ELMO1: variants seen among roughly 807,000 people sequenced by gnomAD.
ELMO1 encodes the protein engulfment and cell motility 1, also known as engulfment and cell motility protein 1.
In ELMO1, 26 loss-of-function variants were observed where a neutral mutation model predicts 98.9. That is an observed-to-expected ratio of 0.26 (90% CI 0.19 to 0.36). The LOEUF (loss-of-function observed/expected upper bound fraction) is 0.36. Ranked by LOEUF, ELMO1 falls within the 10% of genes least tolerant of loss-of-function variation. The pLI is 1.00. For missense variants in ELMO1, 627 were observed against 935.2 expected (o/e 0.67, Z 4.30); for synonymous variants, 346 against 346.0 (o/e 1.00, Z 0.00).
chr7:37,119,207 G>T (rs1785823743), intron 14 of ELMO1, among the ~76,000 whole-genome samples: 1 of 152,220 alleles, frequency 6.6e-6, no homozygotes, highest in Admixed American at 6.5e-5. Flanking sequence ...GCTGAAAAGA[G>T]ATTCCCCAAA....
At position 36,954,495 on chromosome 7, in the gene ELMO1, G is replaced by C. The variant is rs115348794; in HGVS notation, c.1437+58804C>G. 3.8e-3 allele frequency among the ~76,000 whole-genome samples: 584 copies of C among 152,276 alleles called. 5 individuals carry two copies. Among genetic ancestry groups the C allele is most frequent in the African/African-American group, 0.013 (554 of 41,566 alleles). ...CTGCAGTGGGTTTGGGTTTCTGCTA[G>C]CAGCAAGCAGGGTAATCTGTTCTTG... On this transcript the variant is annotated intron_variant, in intron 16 of 21. Transcript: ENST00000310758.
intron 11 of ELMO1, 43 bp downstream of exon 11, chr7:37,216,602 C>T (rs756609425): frequency 6.2e-7 from 1 of 1,608,648 alleles, no homozygotes; most frequent in Admixed American, 1.7e-5. Context: ...ATGCACCAGG[C>T]CACTCCTCCC....
At chr7:37,252,955 G>A (rs953821679) in intron 6 of ELMO1, among the ~76,000 whole-genome samples, 10 of 152,024 alleles carry the variant, frequency 6.6e-5, no homozygotes, top group Admixed American at 1.3e-4. Context: ...ACATTTATGC[G>A]GCCAACAAAC....
intron 14 of ELMO1, among the ~76,000 whole-genome samples, chr7:37,098,893 T>C (rs1234807236): frequency 6.6e-6 from 1 of 152,084 alleles, no homozygotes; most frequent in African/African-American, 2.4e-5. Flanking sequence ...AGAAGACAGG[T>C]AGTTTTCCTC....
At chr7:37,092,087 A>G (rs1784127614) in intron 15 of ELMO1, among the ~76,000 whole-genome samples, 1 of 152,164 alleles carries the variant, frequency 6.6e-6, no homozygotes, top group South Asian at 2.1e-4. Flanking sequence ...AATTCAGGCT[A>G]TGGGGATATG....
intron 16 of ELMO1, among the ~76,000 whole-genome samples, chr7:36,945,521 T>C (rs1356432531): frequency 1.3e-5 from 2 of 152,210 alleles, no homozygotes; most frequent in South Asian, 2.1e-4. Flanking sequence ...AGAATGTCAT[T>C]ACCTCAATCA....
chr7:37,203,091 AC>A (rs1208254917), intron 13 of ELMO1, among the ~76,000 whole-genome samples: 1 of 152,194 alleles, frequency 6.6e-6, no homozygotes, highest in African/African-American at 2.4e-5. Flanking sequence ...AGCAGCAGAA[AC>A]ACTAGTTTTC....
chr7:37,230,954 T>A (rs1794138282), intron 8 of ELMO1, among the ~76,000 whole-genome samples: 1 of 152,204 alleles, frequency 6.6e-6, no homozygotes, highest in African/African-American at 2.4e-5. Flanking sequence ...TCTTTAGCAA[T>A]TAGGTTGGTG....
chr7:37,301,186 T>A (rs1277791505), intron 4 of ELMO1, among the ~76,000 whole-genome samples: 2 of 151,562 alleles, frequency 1.3e-5, no homozygotes, highest in Non-Finnish European at 2.9e-5. Flanking sequence ...ATAAAGGAGA[T>A]GGTAGTGAGG....
intron 13 of ELMO1, among the ~76,000 whole-genome samples, chr7:37,154,444 G>A (rs1788586402): frequency 6.6e-6 from 1 of 152,160 alleles, no homozygotes; most frequent in Non-Finnish European, 1.5e-5. Flanking sequence ...TAGCTAACTA[G>A]AACAACCAGT....
At chr7:37,397,309 T>C (rs931669209) in intron 1 of ELMO1, among the ~76,000 whole-genome samples, 4 of 152,242 alleles carry the variant, frequency 2.6e-5, no homozygotes, top group African/African-American at 9.6e-5. Flanking sequence ...AAATATCTCA[T>C]GCTCAAAAGA....
intron 10 of ELMO1, among the ~76,000 whole-genome samples, chr7:37,219,837 A>C (rs941619998): frequency 6.6e-6 from 1 of 152,268 alleles, no homozygotes; most frequent in African/African-American, 2.4e-5. Flanking sequence ...AATGTAATAT[A>C]AAACACTGAA....
At chr7:37,263,916 G>A (rs1011853772) in intron 5 of ELMO1, among the ~76,000 whole-genome samples, 6 of 152,184 alleles carry the variant, frequency 3.9e-5, no homozygotes, top group Admixed American at 3.9e-4. Context: ...AAATATCGGA[G>A]ATGGATGTGT....
chr7:37,378,503 A>C (rs1022314177), intron 1 of ELMO1, among the ~76,000 whole-genome samples: 2 of 152,196 alleles, frequency 1.3e-5, no homozygotes, highest in Non-Finnish European at 2.9e-5. Flanking sequence ...CTGGACTCTG[A>C]TAAACACGAA....
chr7:37,439,888 T>C (rs553258866), intron 1 of ELMO1, among the ~76,000 whole-genome samples: 2 of 152,342 alleles, frequency 1.3e-5, no homozygotes, highest in Non-Finnish European at 2.9e-5. Flanking sequence ...GCTGACTTAC[T>C]ATAAAAGTGA....
intron 14 of ELMO1, among the ~76,000 whole-genome samples, chr7:37,106,002 T>C (rs79574836): frequency 0.036 from 5,459 of 152,334 alleles, 144 homozygotes; most frequent in East Asian, 0.11. Context: ...AACAGTTTAC[T>C]TTAAAATGGT....
chr7:37,307,305 T>G (rs978537750), intron 4 of ELMO1, among the ~76,000 whole-genome samples: 14 of 152,156 alleles, frequency 9.2e-5, no homozygotes, highest in Non-Finnish European at 1.6e-4. Context: ...GGTGGTTACC[T>G]CCATTCTGTT....
intron 13 of ELMO1, among the ~76,000 whole-genome samples, chr7:37,210,773 G>A (rs557240137): frequency 8.6e-5 from 13 of 151,936 alleles, no homozygotes; most frequent in African/African-American, 1.5e-4. Context: ...GATATTAGCC[G>A]AAGGTCACTC....
Position 37,267,011 on chromosome 7 carries a change from TAAAAA to T in ELMO1, c.243+4816_243+4820del, listed in dbSNP as rs1217111170. Reference sequence around the variant, plus strand: ...CTGGGCGACAGAGCAAGACTCCATCTAAAAAAAAAAAAAAAATATGTATATATACA... The same window carrying T: ...CTGGGCGACAGAGCAAGACTCCATCTAAAAAAAAAAATATGTATATATACA... On this transcript the variant is annotated intron_variant, in intron 5 of 21. Coordinates refer to ENST00000310758, the MANE Select transcript of ELMO1 (RefSeq NM_014800.11). 2.2e-3 allele frequency among the ~76,000 whole-genome samples: 146 copies of T among 67,796 alleles called. 6 individuals carry two copies. Among genetic ancestry groups the T allele is most frequent in the African/African-American group, 6.2e-3 (118 of 19,050 alleles). 44.5% of individuals were successfully genotyped at this position (67,796 alleles called of 152,430 possible).
Sources: gnomAD v4.1 joint callset for allele counts (sites outside exome capture counted in the v4.1 genomes callset) on GRCh38, gnomAD v4.1.1 for gene constraint, MANE v1.5 for transcripts, NCBI Gene and HGNC (gene_info 2026-07-23, HGNC 2026-07-21) for gene names.